CA1: variants seen among roughly 807,000 people sequenced by gnomAD.
CA1 encodes carbonic anhydrase 1, also known as carbonate dehydratase I.
CA1 carries 27 observed loss-of-function variants against 28.8 expected under a neutral mutation model. The observed-to-expected ratio is 0.94, with a 90% CI of 0.69 to 1.29. The LOEUF (loss-of-function observed/expected upper bound fraction) is 1.29, where lower values mean the gene tolerates loss of function less well. Among genes scored for constraint, CA1 ranks in the 50% most tolerant of loss-of-function variants. CA1 has a pLI of 0.00. For synonymous variants in CA1, 121 were observed against 108.8 expected (o/e 1.11, Z -0.70); for missense variants, 335 against 310.5 (o/e 1.08, Z -0.59).
intron 1 of CA1, among the ~76,000 whole-genome samples, chr8:85,347,731 C>T (rs1809256476): frequency 6.6e-6 from 1 of 151,906 alleles, no homozygotes; most frequent in African/African-American, 2.4e-5. Flanking sequence ...TTTTCTGGGT[C>T]CAGAAAATTT....
chr8:85,367,508 G>A (rs1218911461), intron 1 of CA1, among the ~76,000 whole-genome samples: 1 of 152,208 alleles, frequency 6.6e-6, no homozygotes, highest in Non-Finnish European at 1.5e-5. Context: ...AAGTTCTGAA[G>A]CATGTAAAAA....
chr8:85,337,001 T>C lies in CA1; in HGVS notation c.298A>G (p.Ser100Gly), dbSNP rs1346903682. The C allele has an allele frequency of 6.2e-7, 1 of 1,613,366 alleles. No homozygotes were observed. The highest frequency in any genetic ancestry group is 2.2e-5 in the East Asian group (1 of 44,840). ...RLFQFHFHWG[S>G]TNEHGSEHTV... ...TGTTCTGAACCATGCTCATTTGTACTGCCCCAGTGAAAATGGAACTGAAAG... is the reference window on the plus strand; with the variant it reads ...TGTTCTGAACCATGCTCATTTGTACCGCCCCAGTGAAAATGGAACTGAAAG... The change falls in exon 4 of 8, where the codon AGT (serine) becomes GGT (glycine). Residue 100 changes from serine (S) to glycine (G), a missense_variant. Transcript: ENST00000523022.
intron 1 of CA1, among the ~76,000 whole-genome samples, chr8:85,346,479 C>T (rs564015570): frequency 6.6e-6 from 1 of 152,194 alleles, no homozygotes; most frequent in Non-Finnish European, 1.5e-5. Context: ...GCATAAAATT[C>T]TGCTAGGCAT....
intron 1 of CA1, among the ~76,000 whole-genome samples, chr8:85,365,808 C>G (rs891916234): frequency 6.6e-6 from 1 of 152,144 alleles, no homozygotes; most frequent in Non-Finnish European, 1.5e-5. Flanking sequence ...CTCCTTCTTG[C>G]TAGTGCCCTG....
At chr8:85,351,486 A>G (rs1257496744) in intron 1 of CA1, among the ~76,000 whole-genome samples, 1 of 152,260 alleles carries the variant, frequency 6.6e-6, no homozygotes, top group Admixed American at 6.5e-5. Flanking sequence ...CTGCTCTAGC[A>G]TGATGGACAT....
chr8:85,350,026 C>T (rs1433263878), intron 1 of CA1: 2 of 152,126 alleles, frequency 1.3e-5, no homozygotes, highest in African/African-American at 2.4e-5. Context: ...TTCCTTTATG[C>T]AAAAGGTTAC....
At chr8:85,341,840 A>C (rs1001850728) in intron 1 of CA1, 181 bp from the exon 2 acceptor site, 6 of 538,810 alleles carry the variant, frequency 1.1e-5, no homozygotes, top group Non-Finnish European at 2.0e-5. Context: ...AAATTCTACA[A>C]GGGCTATGTT....
chr8:85,353,946 A>C (rs1325894926), intron 1 of CA1, among the ~76,000 whole-genome samples: 1 of 151,986 alleles, frequency 6.6e-6, no homozygotes, highest in Non-Finnish European at 1.5e-5. Context: ...CAGGGAGGGA[A>C]AGGTAATACA....
chr8:85,361,356 AG>A (rs1809788564), intron 1 of CA1, among the ~76,000 whole-genome samples: 1 of 152,194 alleles, frequency 6.6e-6, no homozygotes, highest in African/African-American at 2.4e-5. Flanking sequence ...ACGTTTAAAA[AG>A]ATAATAAAGA....
intron 1 of CA1, among the ~76,000 whole-genome samples, chr8:85,359,804 TATC>T (rs747898909): frequency 5.2e-5 from 8 of 152,382 alleles, no homozygotes; most frequent in East Asian, 1.9e-4. Context: ...TGTGGGCATG[TATC>T]TTATCTCTGT....
rs1356793142 is a variant in CA1 at position 85,375,499 on chromosome 8, G to GT, written c.-25+2546dup. ...TGACCAGTGGTGCCATAAAATACCT[G>GT]TTTTTTTCCTTTTCTTTTGAAAAAA... On this transcript the variant is annotated intron_variant, in intron 1 of 7. Transcript: ENST00000523022. Among the ~76,000 whole-genome samples, 3 of 143,732 alleles carry GT rather than the reference G, an allele frequency of 2.1e-5. No homozygotes were observed. In the South Asian group the frequency reaches 6.8e-4, roughly 33 times the overall value. The allele number at this position is 143,732 out of a possible 152,430, so 94.3% of individuals were successfully genotyped here.
intron 1 of CA1, among the ~76,000 whole-genome samples, chr8:85,367,019 A>T (rs1217636175): frequency 1.3e-5 from 2 of 152,012 alleles, no homozygotes; most frequent in Non-Finnish European, 2.9e-5. Context: ...AATTATTTAA[A>T]TTTTTTCTTA....
intron 1 of CA1, among the ~76,000 whole-genome samples, chr8:85,351,493 A>C (rs142049263): frequency 3.3e-5 from 5 of 152,350 alleles, no homozygotes; most frequent in African/African-American, 1.2e-4. Flanking sequence ...AGCATGATGG[A>C]CATGCCTTCT....
In CA1 at chr8:85,336,935, A is replaced by C. The variant is rs987281169; in HGVS notation, c.354+10T>G. On this transcript the variant is annotated intron_variant, in intron 4 of 7. Coordinates refer to ENST00000523022, the MANE Select transcript of CA1 (RefSeq NM_001128831.4). ...AGGGTAATTATCTCTCACTTACTAA[A>C]TTACATTACCTCGGCAGAATATTTG... 2.6e-6 allele frequency: 4 copies of C among 1,521,690 alleles called. No individual in the cohort carries two copies. Among genetic ancestry groups the C allele is most frequent in the Non-Finnish European group, 2.7e-6 (3 of 1,096,042 alleles). The allele number at this position is 1,521,690 out of a possible 1,614,324, so 94.3% of individuals were successfully genotyped here.
chr8:85,351,439 A>G (rs896823480), intron 1 of CA1, among the ~76,000 whole-genome samples: 1 of 152,236 alleles, frequency 6.6e-6, no homozygotes, highest in Admixed American at 6.5e-5. Flanking sequence ...AGAAAAGAAA[A>G]ATAGGGTGTA....
chr8:85,356,833 C>G (rs1809622813), intron 1 of CA1, among the ~76,000 whole-genome samples: 1 of 152,042 alleles, frequency 6.6e-6, no homozygotes, highest in Non-Finnish European at 1.5e-5. Context: ...TCTTTGTGTA[C>G]TAGAGGAAAA....
chr8:85,327,660 A>G lies in CA1; in HGVS notation c.*900T>C, dbSNP rs1808232475. The stretch of plus-strand genomic sequence containing the variant: ...AGTGAGACCTTGTCTCAAAAAACAA[A>G]CAAACAAACAGAAAACACCACACTA... On this transcript the variant is annotated 3_prime_UTR_variant, in exon 8 of 8. Transcript: ENST00000523022. The G allele has an allele frequency of 1.3e-5, 2 of 152,214 alleles. No individual in the cohort carries two copies. The highest frequency in any genetic ancestry group is 1.3e-4 in the Admixed American group (2 of 15,238). The allele number at this position is 152,214 out of a possible 1,614,324, so 9.4% of individuals were successfully genotyped here. A position where few individuals can be genotyped will look rare whatever the true frequency, so the allele number is the denominator to read the frequency against.
chr8:85,349,615 T>C (rs1273968352), intron 1 of CA1, among the ~76,000 whole-genome samples: 2 of 152,178 alleles, frequency 1.3e-5, no homozygotes, highest in East Asian at 3.9e-4. Flanking sequence ...AGAGAATGCA[T>C]GCTGCATGCT....
At chr8:85,349,084 G>T (rs1304758361) in intron 1 of CA1, among the ~76,000 whole-genome samples, 1 of 152,154 alleles carries the variant, frequency 6.6e-6, no homozygotes, top group Non-Finnish European at 1.5e-5. Flanking sequence ...AGTGCTTTCT[G>T]ATTTTTAAAA....
Sources: allele counts gnomAD v4.1 joint callset (sites outside exome capture counted in the v4.1 genomes callset), GRCh38; gene constraint gnomAD v4.1.1; transcripts MANE v1.5; gene names NCBI Gene and HGNC (gene_info 2026-07-23, HGNC 2026-07-21).